Variants in PARD3B observed in about 807,000 individuals in gnomAD.
PARD3B encodes the protein par-3 family cell polarity regulator beta.
A neutral mutation model predicts 130.2 loss-of-function variants in PARD3B; 103 were observed. The ratio of observed to expected loss-of-function variants is 0.79; its 90% CI spans 0.67 to 0.93. The LOEUF (loss-of-function observed/expected upper bound fraction) is 0.93. Among genes scored for constraint, PARD3B ranks in the 40% least tolerant of loss-of-function variants. The pLI is 0.00. For missense variants in PARD3B, 1,609 were observed against 1,499.2 expected (o/e 1.07, Z -1.21); for synonymous variants, 583 against 553.2 (o/e 1.05, Z -0.76).
chr2:204,837,445 G>A (rs2044085787), intron 2 of PARD3B, among the ~76,000 whole-genome samples: 1 of 144,946 alleles, frequency 6.9e-6, no homozygotes, highest in Non-Finnish European at 1.5e-5. Flanking sequence ...TTTTGAGACA[G>A]ATTCTTACTC....
chr2:205,418,972 A>G (rs2046872708), intron 19 of PARD3B, among the ~76,000 whole-genome samples: 1 of 152,200 alleles, frequency 6.6e-6, no homozygotes, highest in Non-Finnish European at 1.5e-5. Context: ...CTATAATCTT[A>G]GTAGCCTAGA....
intron 10 of PARD3B, among the ~76,000 whole-genome samples, chr2:205,127,590 A>G (rs1438452502): frequency 1.3e-5 from 2 of 152,176 alleles, no homozygotes; most frequent in South Asian, 2.1e-4. Flanking sequence ...AGTAGACCTG[A>G]TCTGTTTCTT....
chr2:205,188,637 G>A (rs147811525), intron 14 of PARD3B, among the ~76,000 whole-genome samples: 4 of 152,200 alleles, frequency 2.6e-5, no homozygotes, highest in African/African-American at 4.8e-5. Flanking sequence ...TCCTAGGATC[G>A]TGTGACCTGC....
chr2:205,153,903 G>T (rs1390813936), intron 10 of PARD3B, among the ~76,000 whole-genome samples: 1 of 152,120 alleles, frequency 6.6e-6, no homozygotes, highest in African/African-American at 2.4e-5. Context: ...ATTCAAGATG[G>T]ATTAAAGACT....
Position 204,932,506 on chromosome 2 carries a change from G to T in PARD3B, c.223-32646G>T, listed in dbSNP as rs1436413830. Among the ~76,000 whole-genome samples the T allele has an allele frequency of 6.6e-5, 10 of 152,028 alleles. No homozygotes were observed. The East Asian group carries it at 1.9e-3, about 29-fold the overall frequency. ...AAATCTAATTCTTACTTGAAAAAATGGTATCCTTTCTCCATATGATTGTTA... is the reference window on the plus strand; with the variant it reads ...AAATCTAATTCTTACTTGAAAAAATTGTATCCTTTCTCCATATGATTGTTA... On this transcript the variant is annotated intron_variant, in intron 2 of 22. Transcript: ENST00000406610.
At chr2:205,278,706 C>T (rs911764720) in intron 16 of PARD3B, among the ~76,000 whole-genome samples, 1 of 152,112 alleles carries the variant, frequency 6.6e-6, no homozygotes, top group Non-Finnish European at 1.5e-5. Flanking sequence ...ATTGTGCCTA[C>T]TTAACTCCTT....
chr2:204,651,306 G>C (rs1377615867), intron 1 of PARD3B, among the ~76,000 whole-genome samples: 8 of 152,228 alleles, frequency 5.3e-5, no homozygotes, highest in Non-Finnish European at 1.0e-4. Flanking sequence ...GGGGGTACAG[G>C]CATTGGGTAG....
chr2:205,515,863 C>T (rs1211684890), intron 21 of PARD3B, among the ~76,000 whole-genome samples: 1 of 151,970 alleles, frequency 6.6e-6, no homozygotes, highest in Non-Finnish European at 1.5e-5. Flanking sequence ...TGTCATGAAA[C>T]CTTTGACTGT....
Position 205,158,783 on chromosome 2 carries a change from T to A in PARD3B, c.1496T>A (p.Ile499Asn), listed in dbSNP as rs1353518242. Residue 499 changes from isoleucine (I) to asparagine (N), a missense_variant, in exon 11 of 23, where the codon ATC becomes AAC. Transcript: ENST00000406610. The surrounding 1 kb of genome is among the most constrained non-coding windows in gnomAD (Gnocchi z 5.4). Reference protein sequence around the residue: ...LETSEQLTFEIPLNDSGSAGL... With the variant: ...LETSEQLTFENPLNDSGSAGL... The stretch of plus-strand genomic sequence containing the variant: ...ACAAGCGAGCAGCTCACCTTTGAGA[T>A]CCCCCTGAATGATTCAGGTTCTGCT... The A allele has an allele frequency of 1.2e-6, 2 of 1,614,142 alleles. No individual in the cohort carries two copies. The highest frequency in any genetic ancestry group is 2.2e-5 in the South Asian group (2 of 91,082).
intron 2 of PARD3B, among the ~76,000 whole-genome samples, chr2:204,949,826 G>A (rs1689619202): frequency 6.6e-6 from 1 of 151,968 alleles, no homozygotes; most frequent in Non-Finnish European, 1.5e-5. Flanking sequence ...GTCACCTATT[G>A]GCCTGGGCTG....
At chr2:205,267,949 T>C (rs2040575201) in intron 16 of PARD3B, among the ~76,000 whole-genome samples, 1 of 152,194 alleles carries the variant, frequency 6.6e-6, no homozygotes, top group Non-Finnish European at 1.5e-5. Context: ...TTTTTCTTAA[T>C]ACTGTAATAA....
At chr2:205,306,170 G>C (rs934074802) in intron 18 of PARD3B, among the ~76,000 whole-genome samples, 1 of 152,166 alleles carries the variant, frequency 6.6e-6, no homozygotes, top group Admixed American at 6.5e-5. Context: ...CTAGAAACTA[G>C]AAAGGGCAAG....
intron 2 of PARD3B, among the ~76,000 whole-genome samples, chr2:204,877,418 ATACAG>A (rs941717904): frequency 6.6e-6 from 1 of 152,140 alleles, no homozygotes; most frequent in Non-Finnish European, 1.5e-5. Flanking sequence ...AAAAAAGAAA[ATACAG>A]TACTCAGTGA....
intron 18 of PARD3B, among the ~76,000 whole-genome samples, chr2:205,398,169 TG>T (rs1418410174): frequency 2.0e-5 from 3 of 151,950 alleles, no homozygotes; most frequent in Non-Finnish European, 4.4e-5. Context: ...GGCTTGGTGG[TG>T]GGCACCTGTA....
chr2:204,883,733 C>T (rs964253308), intron 2 of PARD3B, among the ~76,000 whole-genome samples: 16 of 151,304 alleles, frequency 1.1e-4, no homozygotes, highest in South Asian at 4.2e-4. Context: ...CATGAGCCAC[C>T]GCACCTGGCC....
chr2:204,826,951 T>G (rs780475304), intron 2 of PARD3B, among the ~76,000 whole-genome samples: 13 of 152,150 alleles, frequency 8.5e-5, no homozygotes, highest in Non-Finnish European at 4.4e-5. Context: ...GCCCAGGAGT[T>G]GAAGGCTGTA....
At chr2:204,589,006 G>A (rs1465168210) in intron 1 of PARD3B, among the ~76,000 whole-genome samples, 1 of 152,034 alleles carries the variant, frequency 6.6e-6, no homozygotes, top group African/African-American at 2.4e-5. Context: ...ATTGACAGAT[G>A]TGATAAAAAT....
intron 1 of PARD3B, among the ~76,000 whole-genome samples, chr2:204,638,609 A>G (rs1334822454): frequency 3.3e-5 from 5 of 152,214 alleles, no homozygotes; most frequent in African/African-American, 1.2e-4. Flanking sequence ...TAATAAAAAG[A>G]GACATCTTGA....
intron 15 of PARD3B, among the ~76,000 whole-genome samples, chr2:205,225,753 A>G (rs576447787): frequency 6.6e-6 from 1 of 152,186 alleles, no homozygotes; most frequent in Non-Finnish European, 1.5e-5. Flanking sequence ...CTTTTAAACA[A>G]TCAGATCTCA....
Sources: allele counts gnomAD v4.1 joint callset (sites outside exome capture counted in the v4.1 genomes callset), GRCh38; gene constraint gnomAD v4.1.1; non-coding constraint Gnocchi (gnomAD v3.1); transcripts MANE v1.5; gene names NCBI Gene and HGNC (gene_info 2026-07-23, HGNC 2026-07-21).